NSD2: variants seen among roughly 807,000 people sequenced by gnomAD.
NSD2 encodes nuclear receptor binding SET domain protein 2, also known as histone-lysine N-methyltransferase NSD2.
NSD2 carries 12 observed loss-of-function variants against 139.0 expected under a neutral mutation model. The ratio of observed to expected loss-of-function variants is 0.09; its 90% CI spans 0.06 to 0.14. NSD2 has a LOEUF of 0.14. Among genes scored for constraint, NSD2 ranks in the 10% least tolerant of loss-of-function variants. NSD2 has a pLI of 1.00. For synonymous variants in NSD2, 669 were observed against 648.7 expected, an observed-to-expected ratio of 1.03 and a Z score of -0.48; for missense variants, 1,155 against 1,745.0, an observed-to-expected ratio of 0.66 and a Z score of 6.02.
Position 1,976,374 on chromosome 4 carries a change from A to C in NSD2, c.3622-101A>C. On this transcript the variant is annotated intron_variant, in intron 20 of 21. Coordinates refer to ENST00000508803, the MANE Select transcript of NSD2 (RefSeq NM_001042424.3). The surrounding 1 kb of genome is among the most constrained non-coding windows in gnomAD (Gnocchi z 5.3). ...TCTCCTCTTAGTGTTGGGCACCTGC[A>C]GAGATCTCTGAAGTTCCTGGAGTGT... 287 of 1,217,664 alleles carry C rather than the reference A, an allele frequency of 2.4e-4. No homozygotes were observed. The highest frequency in any genetic ancestry group is 4.0e-4 in the Middle Eastern group (2 of 5,026). 75.4% of individuals were successfully genotyped at this position (1,217,664 alleles called of 1,614,324 possible).
At chr4:1,940,961 G>A (rs547556815) in intron 9 of NSD2, 78 of 1,057,938 alleles carry the variant, frequency 7.4e-5, no homozygotes, top group African/African-American at 5.1e-4. Flanking sequence ...AGTGGTGGTC[G>A]AGACCTGTTC....
chr4:1,918,465 A>C lies in NSD2; in HGVS notation c.1252A>C (p.Ile418Leu). 1 of 1,614,112 alleles carries C rather than the reference A, an allele frequency of 6.2e-7. No individual in the cohort carries two copies. The highest frequency in any genetic ancestry group is 8.5e-7 in the Non-Finnish European group (1 of 1,180,026). ...AGAGACCCTGGAGAGTCACCCCGAC[A>C]TAGGGAAGAGTACTCCTCAAAAGAC... ...SAETLESHPD[I>L]GKSTPQKTAE... Residue 418 changes from isoleucine (I) to leucine (L), a missense_variant, in exon 5 of 22, where the codon ATA becomes CTA. By Grantham distance (5) the Ile-to-Leu change is conservative (BLOSUM62 2). This residue lies in a region of NSD2 where 420 missense variants were observed against 469.0 expected (regional missense o/e 0.90). Coordinates refer to ENST00000508803, the MANE Select transcript of NSD2 (RefSeq NM_001042424.3).
chr4:1,920,322 C>T (rs1370878674), intron 5 of NSD2, among the ~76,000 whole-genome samples: 3 of 151,310 alleles, frequency 2.0e-5, no homozygotes, highest in African/African-American at 2.4e-5. Flanking sequence ...TGGTGGTGTG[C>T]GCTTGTAATC....
At position 1,900,726 on chromosome 4, in the gene NSD2, A is replaced by G. The variant is rs773255189; in HGVS notation, c.72A>G (p.Ala24=). 6.2e-5 allele frequency: 100 copies of G among 1,613,920 alleles called. No individual in the cohort carries two copies. The highest frequency in any genetic ancestry group is 8.1e-5 in the Non-Finnish European group (96 of 1,180,000). The change falls in exon 2 of 22, where the codon GCA becomes GCG. Residue 24 remains alanine, a synonymous_variant. Transcript: ENST00000508803. ...TAAAGTGCATAAAGATGAAGCAGGC[A>G]CCAGAAATCCTCGGCAGTGCCAACG... is the stretch of plus-strand genomic sequence containing the variant. The part of the protein sequence containing the change: ...SVVKCIKMKQ[A]PEILGSANGK...
intron 18 of NSD2, among the ~76,000 whole-genome samples, chr4:1,962,440 T>C (rs1390673599): frequency 6.6e-6 from 1 of 152,014 alleles, no homozygotes; most frequent in African/African-American, 2.4e-5. Flanking sequence ...GTATGGAAAG[T>C]GTTGTGGCTG....
At chr4:1,932,434 A>G (rs1721755794) in intron 6 of NSD2, among the ~76,000 whole-genome samples, 1 of 130,088 alleles carries the variant, frequency 7.7e-6, no homozygotes, top group Non-Finnish European at 1.6e-5. Context: ...GCAAGAGTCA[A>G]TCTCCAAAAA....
chr4:1,965,051 CAA>C (rs555374240), intron 18 of NSD2, among the ~76,000 whole-genome samples: 65 of 47,156 alleles, frequency 1.4e-3, no homozygotes, highest in Admixed American at 2.5e-3. Context: ...CAGTGTTCAG[CAA>C]AAAAAAAAAA....
intron 9 of NSD2, chr4:1,941,929 G>C: frequency 1.9e-6 from 2 of 1,073,680 alleles, no homozygotes; most frequent in Non-Finnish European, 2.3e-6. Context: ...ACAGCCTGTT[G>C]ACTGCTGGGC....
chr4:1,940,940 C>G (rs1379765080), intron 9 of NSD2: 1 of 1,057,002 alleles, frequency 9.5e-7, no homozygotes, highest in Non-Finnish European at 1.1e-6. Context: ...TGCAGGGACT[C>G]AAACCAACTC....
Position 1,982,155 on chromosome 4 carries a change from G to C in NSD2, c.*3246G>C. On this transcript the variant is annotated 3_prime_UTR_variant, in exon 22 of 22. Coordinates refer to ENST00000508803, the MANE Select transcript of NSD2 (RefSeq NM_001042424.3). Reference sequence around the variant, plus strand: ...AATGGAAAGCTGTGTTTGGAAAATTGTGTATGAGTATTTTTGTATTAAAAA... The same window carrying C: ...AATGGAAAGCTGTGTTTGGAAAATTCTGTATGAGTATTTTTGTATTAAAAA... The C allele has an allele frequency of 2.6e-6, 1 of 391,094 alleles. No homozygotes were observed. The highest frequency in any genetic ancestry group is 4.5e-6 in the Non-Finnish European group (1 of 221,956). 24.2% of individuals were successfully genotyped at this position (391,094 alleles called of 1,614,324 possible).
At chr4:1,924,798 A>G (rs2108830160) in intron 5 of NSD2, among the ~76,000 whole-genome samples, 1 of 152,042 alleles carries the variant, frequency 6.6e-6, no homozygotes, top group East Asian at 1.9e-4. Flanking sequence ...ATGATGGTGC[A>G]CACTTGTAGT....
At chr4:1,928,191 T>C (rs1228345963) in intron 5 of NSD2, among the ~76,000 whole-genome samples, 3 of 152,074 alleles carry the variant, frequency 2.0e-5, no homozygotes, top group Non-Finnish European at 2.9e-5. Context: ...GCATGAGCCA[T>C]GTGTCCAGCT....
intron 1 of NSD2, among the ~76,000 whole-genome samples, chr4:1,886,083 G>A (rs145583201): frequency 6.6e-6 from 1 of 152,150 alleles, no homozygotes; most frequent in South Asian, 2.1e-4. Flanking sequence ...TTTCCTTTAC[G>A]AAACTAAAGC....
At chr4:1,970,144 C>T (rs908414371) in intron 18 of NSD2, among the ~76,000 whole-genome samples, 3 of 152,122 alleles carry the variant, frequency 2.0e-5, no homozygotes, top group African/African-American at 7.2e-5. Context: ...GATGGTTCAG[C>T]GGGGCTGAGT....
intron 9 of NSD2, chr4:1,940,912 C>A: frequency 9.5e-7 from 1 of 1,057,250 alleles, no homozygotes; most frequent in South Asian, 4.6e-5. Flanking sequence ...AGCGACCACT[C>A]CTCCGAGTGG....
At chr4:1,919,807 G>A (rs1366757008) in intron 5 of NSD2, among the ~76,000 whole-genome samples, 1 of 151,996 alleles carries the variant, frequency 6.6e-6, no homozygotes, top group African/African-American at 2.4e-5. Flanking sequence ...ATGGTGACGC[G>A]TGCTTGTAAT....
At chr4:1,944,890 CT>C (rs1723458817) in intron 9 of NSD2, 6 of 1,063,164 alleles carry the variant, frequency 5.6e-6, no homozygotes, top group Non-Finnish European at 6.8e-6. Flanking sequence ...TATATTTTAT[CT>C]CTTATACCTG....
chr4:1,936,019 T>C (rs2108880576), intron 7 of NSD2, among the ~76,000 whole-genome samples: 1 of 152,374 alleles, frequency 6.6e-6, no homozygotes, highest in East Asian at 1.9e-4. Flanking sequence ...ACCTAGATTT[T>C]ATTTAGTTTA....
intron 18 of NSD2, among the ~76,000 whole-genome samples, chr4:1,968,923 AG>A (rs1368206217): frequency 2.0e-5 from 3 of 152,274 alleles, no homozygotes; most frequent in African/African-American, 4.8e-5. Flanking sequence ...GGATTCTGGT[AG>A]CAGATGGCAG....
Sources: allele counts gnomAD v4.1 joint callset (sites outside exome capture counted in the v4.1 genomes callset), GRCh38; gene constraint gnomAD v4.1.1; regional missense constraint gnomAD v4.1.1; non-coding constraint Gnocchi (gnomAD v3.1); transcripts MANE v1.5; gene names NCBI Gene and HGNC (gene_info 2026-07-23, HGNC 2026-07-21).